Variants in PIP4K2A observed in about 807,000 individuals in gnomAD.
The protein encoded by PIP4K2A is phosphatidylinositol 5-phosphate 4-kinase type-2 alpha.
PIP4K2A carries 14 observed loss-of-function variants against 42.9 expected under a neutral mutation model. That is an observed-to-expected ratio of 0.33 (90% CI 0.22 to 0.51). The LOEUF (loss-of-function observed/expected upper bound fraction) is 0.51, where lower values mean the gene tolerates loss of function less well. Ranked by LOEUF, PIP4K2A falls within the 20% of genes least tolerant of loss-of-function variation. PIP4K2A has a pLI of 0.97. For synonymous variants in PIP4K2A, 192 were observed against 192.2 expected (o/e 1.00, Z 0.01); for missense variants, 434 against 519.8 (o/e 0.83, Z 1.61).
chr10:22,630,240 G>A (rs920507064), intron 1 of PIP4K2A, among the ~76,000 whole-genome samples: 3 of 151,748 alleles, frequency 2.0e-5, no homozygotes, highest in Non-Finnish European at 4.4e-5. Flanking sequence ...GAGGGCTGGG[G>A]TTTCATATCA....
chr10:22,576,567 G>A (rs567978343), intron 4 of PIP4K2A, among the ~76,000 whole-genome samples: 2 of 152,266 alleles, frequency 1.3e-5, no homozygotes, highest in South Asian at 4.1e-4. Flanking sequence ...CCAGCTCCGT[G>A]TTCATTACCT....
intron 1 of PIP4K2A, among the ~76,000 whole-genome samples, chr10:22,705,202 C>T (rs1416573302): frequency 2.0e-5 from 3 of 151,768 alleles, no homozygotes; most frequent in Admixed American, 6.6e-5. Context: ...GTAACACTTC[C>T]GGGTCGAGTG....
intron 1 of PIP4K2A, among the ~76,000 whole-genome samples, chr10:22,701,836 G>A (rs940459675): frequency 2.0e-5 from 3 of 152,222 alleles, no homozygotes; most frequent in Non-Finnish European, 4.4e-5. Context: ...AGTCATGGAA[G>A]CCACTTTGGC....
At chr10:22,660,086 C>T (rs1839173651) in intron 1 of PIP4K2A, among the ~76,000 whole-genome samples, 1 of 152,124 alleles carries the variant, frequency 6.6e-6, no homozygotes, top group Non-Finnish European at 1.5e-5. Flanking sequence ...CAGATGTGGG[C>T]CCCTAGTAGA....
chr10:22,627,627 A>AAAAAAAAAAAAAAAAAAAAAAG (rs1838473486), intron 1 of PIP4K2A, among the ~76,000 whole-genome samples: 1 of 126,588 alleles, frequency 7.9e-6, no homozygotes, highest in Non-Finnish European at 1.7e-5. Flanking sequence ...AAAAAAAAAA[A>AAAAAAAAAAAAAAAAAAAAAAG]AAAAGATAAG....
In PIP4K2A at chr10:22,559,947, CCT is replaced by C. The variant is rs560758159; in HGVS notation, c.678+7902_678+7903del. Among the ~76,000 whole-genome samples the C allele has an allele frequency of 1.1e-4, 17 of 152,284 alleles. No homozygotes were observed. In the South Asian group the frequency reaches 3.3e-3, roughly 30 times the overall value. The stretch of plus-strand genomic sequence containing the variant: ...AGGGCTGGGACTCAGATCCCCTAAC[CCT>C]CTGTTTGGAGTCCTTCACCCAAATC... On this transcript the variant is annotated intron_variant, in intron 6 of 9. Transcript: ENST00000376573.
intron 1 of PIP4K2A, among the ~76,000 whole-genome samples, chr10:22,687,851 G>A (rs766569214): frequency 6.6e-5 from 10 of 151,846 alleles, no homozygotes; most frequent in African/African-American, 2.4e-4. Flanking sequence ...AAGTATTTTC[G>A]ATCTGTGGTT....
chr10:22,659,240 T>C (rs1222880554), intron 1 of PIP4K2A, among the ~76,000 whole-genome samples: 1 of 152,204 alleles, frequency 6.6e-6, no homozygotes, highest in Non-Finnish European at 1.5e-5. Flanking sequence ...CCACTGAATA[T>C]ACTCATAACA....
chr10:22,644,114 C>A (rs1264661658), intron 1 of PIP4K2A, among the ~76,000 whole-genome samples: 1 of 152,208 alleles, frequency 6.6e-6, no homozygotes, highest in Admixed American at 6.5e-5. Flanking sequence ...TCTCCCCTGG[C>A]CTGCAACCAG....
At position 22,560,903 on chromosome 10, in the gene PIP4K2A, A is replaced by AGTCC. The variant is rs571259002; in HGVS notation, c.678+6944_678+6947dup. 1.7e-4 allele frequency among the ~76,000 whole-genome samples: 26 copies of AGTCC among 152,334 alleles called. No individual in the cohort carries two copies. The South Asian group carries it at 3.3e-3, about 19-fold the overall frequency. On this transcript the variant is annotated intron_variant, in intron 6 of 9. Coordinates refer to ENST00000376573, the MANE Select transcript of PIP4K2A (RefSeq NM_005028.5). ...GGTCAAATCCCCCAGAAATCAAGTG[A>AGTCC]GTCCAGTTATGTTTTCTTTTACTTC... is the stretch of plus-strand genomic sequence containing the variant.
chr10:22,576,608 T>C (rs1418981188), intron 4 of PIP4K2A, among the ~76,000 whole-genome samples: 2 of 152,230 alleles, frequency 1.3e-5, no homozygotes, highest in Non-Finnish European at 2.9e-5. Flanking sequence ...TTCAACCTCT[T>C]GGTCTGCATT....
At chr10:22,698,035 C>G (rs1840005459) in intron 1 of PIP4K2A, among the ~76,000 whole-genome samples, 1 of 152,164 alleles carries the variant, frequency 6.6e-6, no homozygotes, top group South Asian at 2.1e-4. Flanking sequence ...CGACCTGCTT[C>G]TGGGATGCAG....
At chr10:22,701,813 G>C (rs1833720947) in intron 1 of PIP4K2A, among the ~76,000 whole-genome samples, 1 of 152,214 alleles carries the variant, frequency 6.6e-6, no homozygotes, top group African/African-American at 2.4e-5. Flanking sequence ...ACTGGAAGCA[G>C]GAAGAATAAG....
At chr10:22,552,228 C>G (rs538724007) in intron 6 of PIP4K2A, among the ~76,000 whole-genome samples, 1 of 151,802 alleles carries the variant, frequency 6.6e-6, no homozygotes, top group African/African-American at 2.4e-5. Flanking sequence ...TAATCTCGTA[C>G]GGGAGAATGA....
intron 5 of PIP4K2A, among the ~76,000 whole-genome samples, chr10:22,569,644 GGTGTGTGTGTCTGT>G (rs1564424814): frequency 1.3e-5 from 2 of 151,888 alleles, no homozygotes; most frequent in African/African-American, 2.4e-5. Context: ...AAGTTCTTGG[GGTGTGTGTGTCTGT>G]GTGTGTGTGT....
At chr10:22,658,204 C>A (rs571952362) in intron 1 of PIP4K2A, among the ~76,000 whole-genome samples, 27 of 152,248 alleles carry the variant, frequency 1.8e-4, no homozygotes, top group Non-Finnish European at 3.5e-4. Flanking sequence ...AAATGTCACA[C>A]CACAATACAA....
At chr10:22,677,472 G>A (rs1387405315) in intron 1 of PIP4K2A, among the ~76,000 whole-genome samples, 3 of 152,112 alleles carry the variant, frequency 2.0e-5, no homozygotes, top group Non-Finnish European at 4.4e-5. Context: ...TTTACACTGG[G>A]GCACAACTCC....
intron 1 of PIP4K2A, among the ~76,000 whole-genome samples, chr10:22,644,683 G>A (rs897218322): frequency 6.6e-6 from 1 of 152,112 alleles, no homozygotes; most frequent in Non-Finnish European, 1.5e-5. Context: ...AACTTACTTT[G>A]TTCATTTTTA....
chr10:22,615,613 G>C lies in PIP4K2A; in HGVS notation c.145-5896C>G, dbSNP rs76450712. The stretch of plus-strand genomic sequence containing the variant: ...TTTTTAATTCATGAAGATGAAAGTG[G>C]TTTTTGAGTTTATTAAAATTTTCTT... On this transcript the variant is annotated intron_variant, in intron 1 of 9. Transcript: ENST00000376573. Among the ~76,000 whole-genome samples the C allele has an allele frequency of 3.9e-5, 6 of 152,312 alleles. No individual in the cohort carries two copies. The East Asian group carries it at 1.2e-3, about 29-fold the overall frequency.
Sources: allele counts gnomAD v4.1 joint callset (sites outside exome capture counted in the v4.1 genomes callset), GRCh38; gene constraint gnomAD v4.1.1; transcripts MANE v1.5; gene names NCBI Gene and HGNC (gene_info 2026-07-23, HGNC 2026-07-21).